NLGN1: variants seen among roughly 807,000 people sequenced by gnomAD.
NLGN1 encodes the protein neuroligin 1, also known as neuroligin-1.
In NLGN1, 12 loss-of-function variants were observed where a neutral mutation model predicts 65.5. That is an observed-to-expected ratio of 0.18 (90% CI 0.12 to 0.30). NLGN1 has a LOEUF of 0.30. NLGN1 is among the 10% of genes least tolerant of loss of function. The pLI is 1.00. For synonymous variants in NLGN1, 350 were observed against 359.5 expected, an observed-to-expected ratio of 0.97 and a Z score of 0.30; for missense variants, 750 against 1,007.1, an observed-to-expected ratio of 0.74 and a Z score of 3.46.
intron 3 of NLGN1, among the ~76,000 whole-genome samples, chr3:173,737,953 A>C (rs187990215): frequency 6.6e-6 from 1 of 152,168 alleles, no homozygotes; most frequent in East Asian, 1.9e-4. Flanking sequence ...CACTTAATGA[A>C]TGTGAAATCA....
chr3:173,838,203 C>T (rs1011090911), intron 4 of NLGN1, among the ~76,000 whole-genome samples: 5 of 118,658 alleles, frequency 4.2e-5, no homozygotes, highest in African/African-American at 1.8e-4. Flanking sequence ...ACTTTCTACA[C>T]TGACCAGGGA....
intron 3 of NLGN1, chr3:173,644,500 C>G (rs2149603210): frequency 6.1e-6 from 1 of 164,198 alleles, no homozygotes; most frequent in South Asian, 1.9e-4. Context: ...TCGCCCCTTG[C>G]TGCATCCTGC....
chr3:173,500,765 A>G (rs761163653), intron 2 of NLGN1, among the ~76,000 whole-genome samples: 10 of 151,738 alleles, frequency 6.6e-5, no homozygotes, highest in Non-Finnish European at 1.3e-4. Context: ...TTATTTTCAC[A>G]GAGATACCTT....
chr3:173,874,150 A>T (rs2150886566), intron 4 of NLGN1, among the ~76,000 whole-genome samples: 1 of 152,236 alleles, frequency 6.6e-6, no homozygotes, highest in African/African-American at 2.4e-5. Flanking sequence ...AGTTTGTGGC[A>T]TTTTGTTATG....
chr3:173,499,892 T>G (rs1397973579), intron 2 of NLGN1, among the ~76,000 whole-genome samples: 2 of 151,908 alleles, frequency 1.3e-5, no homozygotes, highest in Non-Finnish European at 2.9e-5. Flanking sequence ...TTGTGATTTT[T>G]GGGCATTGAT....
exon 3 of NLGN1, chr3:173,604,658 G>T (rs1178742283): frequency 1.2e-6 from 2 of 1,613,666 alleles, no homozygotes; most frequent in Middle Eastern, 1.7e-4. Context: ...TGGCATGCTT[G>T]GTACACCGGG....
chr3:173,865,311 A>G (rs548075673), intron 4 of NLGN1, among the ~76,000 whole-genome samples: 1 of 152,172 alleles, frequency 6.6e-6, no homozygotes, highest in African/African-American at 2.4e-5. Context: ...AAATCATGGT[A>G]TATTATTTGA....
intron 2 of NLGN1, among the ~76,000 whole-genome samples, chr3:173,552,127 C>T (rs1649757667): frequency 6.6e-6 from 1 of 152,152 alleles, no homozygotes; most frequent in Admixed American, 6.5e-5. Flanking sequence ...GAGAAAATTT[C>T]TGCAGTATGT....
intron 4 of NLGN1, among the ~76,000 whole-genome samples, chr3:174,180,124 C>A (rs182984797): frequency 5.3e-5 from 8 of 152,034 alleles, no homozygotes; most frequent in Admixed American, 4.6e-4. Flanking sequence ...GCTAAGGAGG[C>A]GAAAGAGTCA....
intron 4 of NLGN1, among the ~76,000 whole-genome samples, chr3:174,235,164 T>C (rs1741486971): frequency 6.6e-6 from 1 of 152,016 alleles, no homozygotes; most frequent in Admixed American, 6.6e-5. Flanking sequence ...TCCAGGAGTT[T>C]GCAGTTGTCT....
chr3:174,054,699 C>G (rs1735657004), intron 4 of NLGN1, among the ~76,000 whole-genome samples: 1 of 151,992 alleles, frequency 6.6e-6, no homozygotes, highest in Non-Finnish European at 1.5e-5. Context: ...AATACAAGAA[C>G]TGGTCCAGAC....
intron 4 of NLGN1, among the ~76,000 whole-genome samples, chr3:173,971,506 A>T (rs543307230): frequency 2.0e-5 from 3 of 152,260 alleles, no homozygotes; most frequent in African/African-American, 7.2e-5. Context: ...ATCACATTGC[A>T]TGCAGGAAAA....
chr3:173,709,785 G>A (rs180975909), intron 3 of NLGN1, among the ~76,000 whole-genome samples: 2 of 123,146 alleles, frequency 1.6e-5, no homozygotes, highest in Admixed American at 2.0e-4. Context: ...CCTGGGCAAC[G>A]AGAGCGAAAC....
intron 4 of NLGN1, among the ~76,000 whole-genome samples, chr3:173,962,972 C>T (rs1560733041): frequency 6.6e-6 from 1 of 152,026 alleles, no homozygotes; most frequent in South Asian, 2.1e-4. Context: ...ATTACGATAG[C>T]AAATAAAGTT....
At chr3:173,539,992 T>TATATTA (rs1179176234) in intron 2 of NLGN1, among the ~76,000 whole-genome samples, 16 of 151,486 alleles carry the variant, frequency 1.1e-4, no homozygotes, top group African/African-American at 3.9e-4. Context: ...TTATAATGGT[T>TATATTA]TACTGGGTTA....
At chr3:174,083,073 C>T (rs1272103015) in intron 4 of NLGN1, among the ~76,000 whole-genome samples, 2 of 152,036 alleles carry the variant, frequency 1.3e-5, no homozygotes, top group East Asian at 3.8e-4. Flanking sequence ...ATTTAATAAA[C>T]ATAGATTATG....
intron 4 of NLGN1, among the ~76,000 whole-genome samples, chr3:173,911,996 A>G (rs1366451003): frequency 1.3e-5 from 2 of 152,182 alleles, no homozygotes; most frequent in Non-Finnish European, 2.9e-5. Context: ...AATGTGCTAA[A>G]TTTTTTACAG....
intron 4 of NLGN1, among the ~76,000 whole-genome samples, chr3:174,100,854 T>A (rs1438289784): frequency 6.6e-6 from 1 of 152,012 alleles, no homozygotes; most frequent in Non-Finnish European, 1.5e-5. Flanking sequence ...TTATGTCAAT[T>A]TTCTCAACAT....
intron 3 of NLGN1, among the ~76,000 whole-genome samples, chr3:173,655,998 G>C (rs966371979): frequency 6.6e-6 from 1 of 152,094 alleles, no homozygotes; most frequent in African/African-American, 2.4e-5. Flanking sequence ...CAAGAGCCCT[G>C]TTAAAGAATT....
Sources: gnomAD v4.1 joint callset for allele counts (sites outside exome capture counted in the v4.1 genomes callset) on GRCh38, gnomAD v4.1.1 for gene constraint, MANE v1.5 for transcripts, NCBI Gene and HGNC (gene_info 2026-07-23, HGNC 2026-07-21) for gene names.